NEK8: variants seen among roughly 807,000 people sequenced by gnomAD.
NEK8 encodes the protein serine/threonine-protein kinase Nek8.
A neutral mutation model predicts 77.2 loss-of-function variants in NEK8; 51 were observed. The observed-to-expected ratio is 0.66, with a 90% confidence interval of 0.53 to 0.83. The LOEUF (loss-of-function observed/expected upper bound fraction) is 0.83, where lower values mean the gene tolerates loss of function less well. Ranked by LOEUF, NEK8 falls within the 40% of genes least tolerant of loss-of-function variation. The probability of loss-of-function intolerance (pLI) is 0.00; values close to 1 mark genes in which losing one functional copy is unlikely to be tolerated. For synonymous variants in NEK8, 365 were observed against 363.2 expected, an observed-to-expected ratio of 1.00 and a Z score of -0.06; for missense variants, 787 against 909.2, an observed-to-expected ratio of 0.87 and a Z score of 1.73.
chr17:28,740,693 C>A lies in NEK8; in HGVS notation c.1568+80C>A. Reference sequence around the variant, plus strand: ...GCTCCGTCCATCATTGCCTACCTTTCACCAAAGACCAGAATTGAGGGGGTT... The same window carrying A: ...GCTCCGTCCATCATTGCCTACCTTTAACCAAAGACCAGAATTGAGGGGGTT... On this transcript the variant is annotated intron_variant, in intron 11 of 14. Coordinates refer to ENST00000268766, the MANE Select transcript of NEK8 (RefSeq NM_178170.3). This position sits in a 1 kb window ranked among gnomAD's most constrained non-coding sequence, Gnocchi z 4.7. 1.3e-6 allele frequency: 2 copies of A among 1,588,938 alleles called. No individual in the cohort carries two copies. The highest frequency in any genetic ancestry group is 1.7e-6 in the Non-Finnish European group (2 of 1,157,848).
Position 28,734,851 on chromosome 17 carries a change from G to T in NEK8, c.333G>T (p.Gln111His). 1.2e-6 allele frequency: 2 copies of T among 1,613,876 alleles called. No homozygotes were observed. The highest frequency in any genetic ancestry group is 2.2e-5 in the East Asian group (1 of 44,878). ...AGACCATCCTGCACTTCTTCGTGCA[G>T]ATCCTGCTTGCACTGCATCATGTGC... The part of the protein sequence containing the change: ...EEETILHFFV[Q>H]ILLALHHVHT... The change falls in exon 3 of 15, where the codon CAG becomes CAT. Residue 111 changes from glutamine (Q) to histidine (H), a missense_variant. Around this residue, in one of 2 missense-constraint regions of NEK8, gnomAD observed 271 missense variants for 365.1 expected, o/e 0.74. Coordinates refer to ENST00000268766, the MANE Select transcript of NEK8 (RefSeq NM_178170.3).
Position 28,742,251 on chromosome 17 carries a change from G to A in NEK8, c.*264G>A. ...GGTCCAGCCTGGCTAGAGTTAGAAG[G>A]CAGACCTAGCCTTTGGAAGCAGGGT... On this transcript the variant is annotated 3_prime_UTR_variant, in exon 15 of 15. Coordinates refer to ENST00000268766, the MANE Select transcript of NEK8 (RefSeq NM_178170.3). 2 of 589,636 alleles carry A rather than the reference G, an allele frequency of 3.4e-6. No individual in the cohort carries two copies. The highest frequency in any genetic ancestry group is 6.1e-6 in the Non-Finnish European group (2 of 327,636). The allele number at this position is 589,636 out of a possible 1,614,324, so 36.5% of individuals were successfully genotyped here. A position where few individuals can be genotyped will look rare whatever the true frequency, so the allele number is the denominator to read the frequency against.
chr17:28,729,015 G>A (rs1185540876), intron 1 of NEK8, among the ~76,000 whole-genome samples, 155 bp downstream of exon 1: 1 of 152,274 alleles, frequency 6.6e-6, no homozygotes, highest in Non-Finnish European at 1.5e-5. Flanking sequence ...CCCCCGGGGA[G>A]ACTCCGCCTC....
At position 28,740,329 on chromosome 17, in the gene NEK8, AG is replaced by A. The variant is rs1318600060; in HGVS notation, c.1418-130del. ...AAAGAAGGAGGATTTTAACCAGCAGAGGGGCCTAGGAAAGGCATTTGGGACT... is the reference window on the plus strand; with the variant it reads ...AAAGAAGGAGGATTTTAACCAGCAGAGGGCCTAGGAAAGGCATTTGGGACT... On this transcript the variant is annotated intron_variant, in intron 10 of 14. Transcript: ENST00000268766. The surrounding 1 kb of genome is among the most constrained non-coding windows in gnomAD (Gnocchi z 4.7). 9.4e-6 allele frequency: 7 copies of A among 744,844 alleles called. No individual in the cohort carries two copies. The East Asian group carries it at 1.0e-4, about 11-fold the overall frequency. The allele number at this position is 744,844 out of a possible 1,614,324, so 46.1% of individuals were successfully genotyped here.
chr17:28,739,726 C>T (rs1344491156), intron 10 of NEK8, among the ~76,000 whole-genome samples: 4 of 152,016 alleles, frequency 2.6e-5, no homozygotes, highest in African/African-American at 7.2e-5. Context: ...GGATTACAGG[C>T]GTGAGCCACC....
chr17:28,729,078 A>G (rs943940660), intron 1 of NEK8, among the ~76,000 whole-genome samples: 20 of 152,234 alleles, frequency 1.3e-4, no homozygotes, highest in African/African-American at 4.8e-4. Flanking sequence ...GAGTTATGTT[A>G]GCTTCTTTAT....
intron 8 of NEK8, 78 bp downstream of exon 8, chr17:28,738,323 C>T (rs557599897): frequency 3.3e-6 from 5 of 1,514,232 alleles, no homozygotes; most frequent in South Asian, 2.3e-5. Context: ...GCAAAACACG[C>T]ACTTAATGAA....
rs2034436396 is a variant in NEK8 at position 28,742,596 on chromosome 17, C to CCA, written c.*614_*615dup. ...AAAAAGGCTGAAGGCAGCTGTAGCT[C>CCA]CACACAGACCCTACCCTTTCCCCTA... On this transcript the variant is annotated 3_prime_UTR_variant, in exon 15 of 15. Coordinates refer to ENST00000268766, the MANE Select transcript of NEK8 (RefSeq NM_178170.3). 6.0e-6 allele frequency: 1 copy of CCA among 167,914 alleles called. No homozygotes were observed. The highest frequency in any genetic ancestry group is 1.3e-5 in the Non-Finnish European group (1 of 76,482). 10.4% of individuals were successfully genotyped at this position (167,914 alleles called of 1,614,324 possible).
chr17:28,741,309 T>C lies in NEK8; in HGVS notation c.1891+73T>C. 6.3e-7 allele frequency: 1 copy of C among 1,596,610 alleles called. No homozygotes were observed. Among genetic ancestry groups the C allele is most frequent in the Non-Finnish European group, 8.5e-7 (1 of 1,169,966 alleles). ...GGTGGGGGTTGCTATTCAGGGCCAC[T>C]GGACTCTGGAGCCTCCCAGGGGCCA... On this transcript the variant is annotated intron_variant, in intron 13 of 14. Transcript: ENST00000268766. This position sits in a 1 kb window ranked among gnomAD's most constrained non-coding sequence, Gnocchi z 4.5.
chr17:28,732,676 C>T (rs947486271), intron 1 of NEK8, among the ~76,000 whole-genome samples: 6 of 150,212 alleles, frequency 4.0e-5, no homozygotes, highest in East Asian at 2.0e-4. Flanking sequence ...CTCAGCCTCC[C>T]GAGTAGCTGG....
At chr17:28,733,500 G>A (rs1208183247) in intron 1 of NEK8, among the ~76,000 whole-genome samples, 1 of 152,182 alleles carries the variant, frequency 6.6e-6, no homozygotes, top group East Asian at 1.9e-4. Flanking sequence ...GAACAAGAAT[G>A]TTGTAGTCCC....
At chr17:28,730,382 G>T (rs1271699728) in intron 1 of NEK8, among the ~76,000 whole-genome samples, 5 of 147,040 alleles carry the variant, frequency 3.4e-5, no homozygotes, top group African/African-American at 2.5e-5. Context: ...CCCGCCTCCC[G>T]GGTTCAAGCA....
At chr17:28,735,672 A>C (rs1008727562) in intron 4 of NEK8, among the ~76,000 whole-genome samples, 21 of 152,074 alleles carry the variant, frequency 1.4e-4, no homozygotes, top group Admixed American at 1.4e-3. Context: ...CAGCTCCCCT[A>C]TCAGACTAGG....
Position 28,734,040 on chromosome 17 carries a change from T to A in NEK8, c.105T>A (p.Ile35=), listed in dbSNP as rs1199180736. 2 of 1,614,198 alleles carry A rather than the reference T, an allele frequency of 1.2e-6. No homozygotes were observed. Among genetic ancestry groups the A allele is most frequent in the Admixed American group, 3.3e-5 (2 of 60,024 alleles). ...ADQKLVIIKQ[I]PVEQMTKEER... is the part of the protein sequence containing the mutation. ...AGAAGCTGGTGATCATCAAGCAGAT[T>A]CCAGTGGAACAGATGACCAAGGAAG... Residue 35 remains isoleucine, a synonymous_variant, in exon 2 of 15, where the codon ATT becomes ATA. Coordinates refer to ENST00000268766, the MANE Select transcript of NEK8 (RefSeq NM_178170.3).
chr17:28,739,183 T>C lies in NEK8; in HGVS notation c.1399T>C (p.Trp467Arg), dbSNP rs1372318322. The change falls in exon 10 of 15, where the codon TGG becomes CGG. Residue 467 changes from tryptophan to arginine, a missense_variant. Trp to Arg is a moderately radical substitution (Grantham distance 101). This residue lies in a region of NEK8 where 516 missense variants were observed against 544.0 expected (regional missense o/e 0.95). Transcript: ENST00000268766. ...ALSTERELFA[W>R]GRGDSGRLGL... ...GTCCACTGAGCGAGAACTATTTGCC[T>C]GGGGCCGTGGAGACAGCGGTAAGCT... 3.1e-6 allele frequency: 5 copies of C among 1,613,588 alleles called. No individual in the cohort carries two copies. Among genetic ancestry groups the C allele is most frequent in the Admixed American group, 3.3e-5 (2 of 60,024 alleles).
At position 28,741,339 on chromosome 17, in the gene NEK8, G is replaced by T. The variant is rs1216384859; in HGVS notation, c.1892-74G>T. The T allele has an allele frequency of 6.2e-7, 1 of 1,600,104 alleles. No individual in the cohort carries two copies. The highest frequency in any genetic ancestry group is 8.5e-7 in the Non-Finnish European group (1 of 1,172,438). ...TCTGGAGCCTCCCAGGGGCCATCCT[G>T]GCAATGTGGGAGGGGAGATCCTGCT... On this transcript the variant is annotated intron_variant, in intron 13 of 14. Transcript: ENST00000268766. The surrounding 1 kb of genome is among the most constrained non-coding windows in gnomAD (Gnocchi z 4.5).
intron 1 of NEK8, 22 bp from the exon 2 acceptor site, chr17:28,733,961 T>C (rs781536247): frequency 6.2e-7 from 1 of 1,610,348 alleles, no homozygotes; most frequent in Admixed American, 1.7e-5. Context: ...TGGTAACCTG[T>C]CCCTGTCCTC....
intron 1 of NEK8, among the ~76,000 whole-genome samples, chr17:28,731,743 A>G (rs1387800426): frequency 6.8e-6 from 1 of 148,132 alleles, no homozygotes; most frequent in Non-Finnish European, 1.5e-5. Flanking sequence ...AGCTGGAACT[A>G]CAGGCGCCCG....
chr17:28,738,032 G>A (rs1423782440), intron 7 of NEK8, 32 bp downstream of exon 7: 4 of 1,612,682 alleles, frequency 2.5e-6, no homozygotes, highest in Non-Finnish European at 3.4e-6. Flanking sequence ...CTGGATGGGT[G>A]GAGGTGGAGG....
Sources: allele counts gnomAD v4.1 joint callset (sites outside exome capture counted in the v4.1 genomes callset), GRCh38; gene constraint gnomAD v4.1.1; regional missense constraint gnomAD v4.1.1; non-coding constraint Gnocchi (gnomAD v3.1); transcripts MANE v1.5; gene names NCBI Gene and HGNC (gene_info 2026-07-23, HGNC 2026-07-21).